MCF2L2: variants seen among roughly 807,000 people sequenced by gnomAD.
MCF2L2 encodes probable guanine nucleotide exchange factor MCF2L2.
Under a neutral mutation model 150.2 loss-of-function variants are expected in MCF2L2, and 102 were observed. The ratio of observed to expected loss-of-function variants is 0.68; its 90% confidence interval spans 0.58 to 0.80. MCF2L2 has a LOEUF of 0.80. Ranked by LOEUF, MCF2L2 falls within the 30% of genes least tolerant of loss-of-function variation. The pLI is 0.00. For synonymous variants in MCF2L2, 465 were observed against 491.3 expected (o/e 0.95, Z 0.71); for missense variants, 1,256 against 1,372.8 (o/e 0.91, Z 1.34).
intron 2 of MCF2L2, among the ~76,000 whole-genome samples, chr3:183,381,700 G>T (rs369435653): frequency 1.2e-4 from 19 of 152,106 alleles, no homozygotes; most frequent in South Asian, 2.1e-4. Flanking sequence ...TCCACAGAAG[G>T]TACCTCTTTA....
chr3:183,247,837 A>T (rs1467186341), intron 15 of MCF2L2, among the ~76,000 whole-genome samples: 1 of 152,190 alleles, frequency 6.6e-6, no homozygotes, highest in African/African-American at 2.4e-5. Flanking sequence ...ATTTTACATA[A>T]GAGACTTGGG....
chr3:183,188,092 T>C (rs796607003), intron 27 of MCF2L2, among the ~76,000 whole-genome samples: 11 of 152,252 alleles, frequency 7.2e-5, no homozygotes, highest in African/African-American at 2.4e-4. Flanking sequence ...TGCCCAGCTG[T>C]AACTATGATG....
At chr3:183,184,232 G>GA (rs1721621273) in intron 27 of MCF2L2, among the ~76,000 whole-genome samples, 1 of 152,162 alleles carries the variant, frequency 6.6e-6, no homozygotes, top group African/African-American at 2.4e-5. Flanking sequence ...TGGTCAGGCT[G>GA]GTCTCGAACT....
chr3:183,245,872 C>A (rs1724230049), intron 15 of MCF2L2, among the ~76,000 whole-genome samples: 2 of 152,232 alleles, frequency 1.3e-5, no homozygotes, highest in Non-Finnish European at 2.9e-5. Flanking sequence ...AATCTGCCTT[C>A]TCTTCCTTCT....
At chr3:183,402,451 C>CA (rs779201489) in intron 1 of MCF2L2, among the ~76,000 whole-genome samples, 1,967 of 54,648 alleles carry the variant, frequency 0.036, 54 homozygotes, top group East Asian at 0.13. Context: ...GAGACTCCAT[C>CA]AAAAAAAAAA....
At chr3:183,291,738 A>G (rs1448082492) in intron 13 of MCF2L2, among the ~76,000 whole-genome samples, 33 of 152,236 alleles carry the variant, frequency 2.2e-4, no homozygotes, top group Admixed American at 2.2e-3. Flanking sequence ...AAAGTGCAGG[A>G]TTGTTCTGCA....
At chr3:183,233,437 A>G (rs1723656400) in intron 15 of MCF2L2, among the ~76,000 whole-genome samples, 1 of 151,992 alleles carries the variant, frequency 6.6e-6, no homozygotes, top group African/African-American at 2.4e-5. Context: ...TATATATGGT[A>G]CATACATATA....
Position 183,179,720 on chromosome 3 carries a change from C to CA in MCF2L2, c.3106-29dup, listed in dbSNP as rs1721450590. On this transcript the variant is annotated intron_variant, in intron 28 of 29. Coordinates refer to ENST00000328913, the MANE Select transcript of MCF2L2 (RefSeq NM_015078.4). This position sits in a 1 kb window ranked among gnomAD's most constrained non-coding sequence, Gnocchi z 4.2. ...GGAAGGGAGGGGACGGGTGCACCCT[C>CA]AGAGTTATTGCTGGAGGCTGTGGCC... is the stretch of plus-strand genomic sequence containing the variant. 1.9e-6 allele frequency: 3 copies of CA among 1,591,772 alleles called. No homozygotes were observed. Among genetic ancestry groups the CA allele is most frequent in the Non-Finnish European group, 2.6e-6 (3 of 1,160,600 alleles).
At chr3:183,186,247 T>A (rs746270182) in intron 27 of MCF2L2, among the ~76,000 whole-genome samples, 52 of 152,040 alleles carry the variant, frequency 3.4e-4, no homozygotes, top group Non-Finnish European at 6.8e-4. Context: ...TGGCTCCATT[T>A]AAAAAAAATC....
intron 15 of MCF2L2, among the ~76,000 whole-genome samples, chr3:183,274,396 A>C (rs533910654): frequency 6.6e-6 from 1 of 152,272 alleles, no homozygotes; most frequent in South Asian, 2.1e-4. Flanking sequence ...TTTTAACCCT[A>C]ATCTCTTAAT....
intron 27 of MCF2L2, among the ~76,000 whole-genome samples, chr3:183,189,790 A>T (rs1200794898): frequency 6.6e-6 from 1 of 152,226 alleles, no homozygotes; most frequent in Non-Finnish European, 1.5e-5. Flanking sequence ...TACAAGGCGA[A>T]GTAGGCCACT....
At chr3:183,220,308 T>C (rs865963787) in intron 20 of MCF2L2, among the ~76,000 whole-genome samples, 9 of 152,348 alleles carry the variant, frequency 5.9e-5, no homozygotes, top group African/African-American at 2.2e-4. Context: ...TTCTAAAATA[T>C]GGGCTTTGAT....
At chr3:183,379,235 C>A (rs1713372746) in intron 3 of MCF2L2, 62 bp downstream of exon 3, 4 of 1,261,070 alleles carry the variant, frequency 3.2e-6, no homozygotes, top group Non-Finnish European at 4.5e-6. Flanking sequence ...CCCAGCCCTG[C>A]CACATGGGAA....
rs1321591979 is a variant in MCF2L2 at position 183,181,222 on chromosome 3, C to T, written c.3017-1063G>A. 2.6e-5 allele frequency among the ~76,000 whole-genome samples: 4 copies of T among 152,042 alleles called. No individual in the cohort carries two copies. The highest frequency in any genetic ancestry group is 6.5e-5 in the Admixed American group (1 of 15,268). Reference sequence around the variant, plus strand: ...CTGGGTGAGCAGGCAGCACAAGTAGCGTCTCCTGGGCTGCTGCCCCAAGCC... The same window carrying T: ...CTGGGTGAGCAGGCAGCACAAGTAGTGTCTCCTGGGCTGCTGCCCCAAGCC... On this transcript the variant is annotated intron_variant, in intron 27 of 29. Transcript: ENST00000328913. The surrounding 1 kb of genome is among the most constrained non-coding windows in gnomAD (Gnocchi z 4.3).
chr3:183,282,380 A>T (rs368704647), intron 14 of MCF2L2, among the ~76,000 whole-genome samples: 4 of 152,050 alleles, frequency 2.6e-5, no homozygotes, highest in East Asian at 3.9e-4. Context: ...GGGTTTCACC[A>T]TGTTAGCCAG....
At chr3:183,252,898 T>A (rs762512512) in intron 15 of MCF2L2, among the ~76,000 whole-genome samples, 2 of 152,110 alleles carry the variant, frequency 1.3e-5, no homozygotes, top group Non-Finnish European at 2.9e-5. Flanking sequence ...GCATCCAGGA[T>A]TCATTTATAA....
At chr3:183,330,612 A>C (rs1730233558) in intron 5 of MCF2L2, among the ~76,000 whole-genome samples, 1 of 152,188 alleles carries the variant, frequency 6.6e-6, no homozygotes, top group Admixed American at 6.5e-5. Flanking sequence ...GTCAAACTTC[A>C]TAGAACTGTA....
At position 183,413,848 on chromosome 3, in the gene MCF2L2, T is replaced by C. The variant is rs576600792; in HGVS notation, c.76+14054A>G. ...TTCATTAAGTGTAAGTGGATCGCCA[T>C]AAAGCTCTTTATCCTCGTTGTCTTC... is the stretch of plus-strand genomic sequence containing the variant. On this transcript the variant is annotated intron_variant, in intron 1 of 29. Transcript: ENST00000328913. Among the ~76,000 whole-genome samples, 6 of 152,346 alleles carry C rather than the reference T, an allele frequency of 3.9e-5. No individual in the cohort carries two copies. In the South Asian group the frequency reaches 1.2e-3, roughly 32 times the overall value.
intron 15 of MCF2L2, among the ~76,000 whole-genome samples, chr3:183,252,406 C>T (rs1450670507): frequency 6.6e-6 from 1 of 152,188 alleles, no homozygotes; most frequent in Non-Finnish European, 1.5e-5. Flanking sequence ...CCTGTGTAGG[C>T]AGCATATGAA....
Sources: allele counts gnomAD v4.1 joint callset (sites outside exome capture counted in the v4.1 genomes callset), GRCh38; gene constraint gnomAD v4.1.1; non-coding constraint Gnocchi (gnomAD v3.1); transcripts MANE v1.5; gene names NCBI Gene and HGNC (gene_info 2026-07-23, HGNC 2026-07-21).